U2AF1L4: variants seen among roughly 807,000 people sequenced by gnomAD.
U2AF1L4 encodes the protein U2 small nuclear RNA auxiliary factor 1 like 4, also known as splicing factor U2AF 26 kDa subunit.
U2AF1L4 carries 21 observed loss-of-function variants against 21.7 expected under a neutral mutation model. That is an observed-to-expected ratio of 0.97 (90% CI 0.69 to 1.39). The LOEUF (loss-of-function observed/expected upper bound fraction) is 1.39. Among genes scored for constraint, U2AF1L4 ranks in the 40% most tolerant of loss-of-function variants. U2AF1L4 has a pLI of 0.00. For missense variants in U2AF1L4, 259 were observed against 245.7 expected (o/e 1.05, Z -0.36); for synonymous variants, 92 against 89.7 (o/e 1.03, Z -0.15).
Position 35,744,062 on chromosome 19 carries a change from C to T in U2AF1L4, c.315G>A (p.Leu105=). ...WFNGQAVHGE[L]SPVTDFRESC... is the part of the protein sequence containing the mutation. Reference sequence around the variant, plus strand: ...ACTCCCGGAAGTCAGTGACAGGAGACAGCTCACCGTGCACAGCCTGCCCGT... The same window carrying T: ...ACTCCCGGAAGTCAGTGACAGGAGATAGCTCACCGTGCACAGCCTGCCCGT... Residue 105 remains leucine (L), a synonymous_variant, in exon 4 of 6, where the codon CTG becomes CTA. Transcript: ENST00000378975. 6.2e-7 allele frequency: 1 copy of T among 1,614,078 alleles called. No homozygotes were observed. Among genetic ancestry groups the T allele is most frequent in the South Asian group, 1.1e-5 (1 of 91,082 alleles).
At position 35,745,222 on chromosome 19, in the gene U2AF1L4, G is replaced by T; in HGVS notation, c.45-10C>A. The T allele has an allele frequency of 6.2e-7, 1 of 1,613,060 alleles. No individual in the cohort carries two copies. The highest frequency in any genetic ancestry group is 8.5e-7 in the Non-Finnish European group (1 of 1,179,628). ...AAAAGAGCAGTTAACCCTGGAAAAGGTGCAAAGACAAAGGTGAACCGAGGG... is the reference window on the plus strand; with the variant it reads ...AAAAGAGCAGTTAACCCTGGAAAAGTTGCAAAGACAAAGGTGAACCGAGGG... On this transcript the variant is annotated splice_polypyrimidine_tract_variant and intron_variant, in intron 1 of 5. Transcript: ENST00000378975.
chr19:35,744,331 AG>A lies in U2AF1L4; in HGVS notation c.222del (p.Tyr75MetfsTer148). 6.2e-6 allele frequency: 10 copies of A among 1,614,082 alleles called. No individual in the cohort carries two copies. Among genetic ancestry groups the A allele is most frequent in the Non-Finnish European group, 8.5e-6 (10 of 1,180,020 alleles). ...DNLGDHLVGNVYVKFRREEDG... is the reference protein window; with the variant it reads ...DNLGDHLVGNXYVKFRREEDG... ...TGGGGGGCAGCAAGCACCTTGACAT[AG>A]ACGTTGCCCACGAGGTGGTCCCCAA... On this transcript the variant is annotated frameshift_variant, in exon 3 of 6. Transcript: ENST00000378975. LOFTEE classifies it high-confidence loss of function.
At chr19:35,745,295 C>T in intron 1 of U2AF1L4, 53 bp downstream of exon 1, 2 of 1,598,940 alleles carry the variant, frequency 1.3e-6, no homozygotes. Flanking sequence ...ACCCAGGACC[C>T]CAGTACCCCG....
In U2AF1L4 at chr19:35,744,748, CAG is replaced by C. The variant is rs1476374903; in HGVS notation, c.133-329_133-328del. On this transcript the variant is annotated intron_variant, in intron 2 of 5. Coordinates refer to ENST00000378975, the MANE Select transcript of U2AF1L4 (RefSeq NM_001040425.3). ...AGCTCAGAGGGCAGGGCTGCATGAA[CAG>C]AGAGTGAGGCATGAAGGTTGGGGGT... 12 of 1,533,480 alleles carry C rather than the reference CAG, an allele frequency of 7.8e-6. No individual in the cohort carries two copies. The Admixed American group carries it at 1.2e-4, about 15-fold the overall frequency. The allele number at this position is 1,533,480 out of a possible 1,614,324, so 95.0% of individuals were successfully genotyped here. A position where few individuals can be genotyped will look rare whatever the true frequency, so the allele number is the denominator to read the frequency against.
chr19:35,744,846 G>A (rs2146514609), intron 2 of U2AF1L4: 1 of 896,184 alleles, frequency 1.1e-6, no homozygotes, highest in Non-Finnish European at 1.7e-6. Context: ...ACCAGAAAAG[G>A]GATGGAGGGG....
At position 35,744,120 on chromosome 19, in the gene U2AF1L4, C is replaced by G. The variant is rs142741890; in HGVS notation, c.257G>C (p.Arg86Pro). The G allele has an allele frequency of 3.1e-5, 50 of 1,613,824 alleles. No individual in the cohort carries two copies. The highest frequency in any genetic ancestry group is 3.6e-5 in the Non-Finnish European group (42 of 1,180,002). ...VKFRREEDGE[R>P]AVAELSNRWF... Reference sequence around the variant, plus strand: ...GCGGTTACTGAGTTCAGCCACGGCCCGCTCTCCATCCTCCTCCCTCCGGAA... The same window carrying G: ...GCGGTTACTGAGTTCAGCCACGGCCGGCTCTCCATCCTCCTCCCTCCGGAA... The change falls in exon 4 of 6, where the codon CGG (arginine) becomes CCG (proline). Residue 86 changes from arginine to proline, a missense_variant. By Grantham distance (103) the Arg-to-Pro change is moderately radical. Coordinates refer to ENST00000378975, the MANE Select transcript of U2AF1L4 (RefSeq NM_001040425.3).
In U2AF1L4 at chr19:35,744,069, C is replaced by A. The variant is rs1227946434; in HGVS notation, c.308G>T (p.Gly103Val). Residue 103 changes from glycine to valine, a missense_variant, in exon 4 of 6, where the codon GGT becomes GTT. Physicochemically the swap from Gly to Val is moderately radical, Grantham distance 109 (BLOSUM62 -3). Coordinates refer to ENST00000378975, the MANE Select transcript of U2AF1L4 (RefSeq NM_001040425.3). The stretch of plus-strand genomic sequence containing the variant: ...GAAGTCAGTGACAGGAGACAGCTCA[C>A]CGTGCACAGCCTGCCCGTTGAACCA... ...NRWFNGQAVH[G>V]ELSPVTDFRE... The A allele has an allele frequency of 5.0e-6, 8 of 1,613,932 alleles. No individual in the cohort carries two copies. The East Asian group carries it at 1.8e-4, about 36-fold the overall frequency.
At chr19:35,744,469 A>G in intron 2 of U2AF1L4, 48 bp from the exon 3 acceptor site, 4 of 1,613,592 alleles carry the variant, frequency 2.5e-6, no homozygotes, top group East Asian at 2.2e-5. Context: ...AAGAAACCCC[A>G]TCTGCCCCTA....
At chr19:35,744,526 C>T (rs576444052) in intron 2 of U2AF1L4, 105 bp from the exon 3 acceptor site, 2 of 1,602,022 alleles carry the variant, frequency 1.2e-6, no homozygotes, top group African/African-American at 1.3e-5. Context: ...TGCACCTCCA[C>T]GTCACTCACA....
rs1213728795 is a variant in U2AF1L4 at position 35,745,339 on chromosome 19, C to T, written c.44+9G>A. ...CCCCCGAGAGTCCACTCCCAGCGCC[C>T]GTTCTCACTTGTCCTTCTCAGTCCC... is the stretch of plus-strand genomic sequence containing the variant. On this transcript the variant is annotated intron_variant, in intron 1 of 5. Coordinates refer to ENST00000378975, the MANE Select transcript of U2AF1L4 (RefSeq NM_001040425.3). 1.9e-6 allele frequency: 3 copies of T among 1,612,188 alleles called. No individual in the cohort carries two copies. Among genetic ancestry groups the T allele is most frequent in the Non-Finnish European group, 2.5e-6 (3 of 1,178,262 alleles).
At chr19:35,743,575 C>G in intron 5 of U2AF1L4, 4 of 536,574 alleles carry the variant, frequency 7.5e-6, no homozygotes, top group Non-Finnish European at 1.3e-5. Flanking sequence ...GTAATCCCAG[C>G]TATTTGGGAG....
chr19:35,745,116 G>C lies in U2AF1L4; in HGVS notation c.132+9C>G. ...CCGTTAACCCCCGAGGCTCCGTGCCGGGTCTCACCTGGCTGAATGTCGGCT... is the reference window on the plus strand; with the variant it reads ...CCGTTAACCCCCGAGGCTCCGTGCCCGGTCTCACCTGGCTGAATGTCGGCT... On this transcript the variant is annotated intron_variant, in intron 2 of 5. Coordinates refer to ENST00000378975, the MANE Select transcript of U2AF1L4 (RefSeq NM_001040425.3). The C allele has an allele frequency of 6.2e-7, 1 of 1,612,230 alleles. No individual in the cohort carries two copies.
chr19:35,744,553 C>A (rs541320327), intron 2 of U2AF1L4, 132 bp from the exon 3 acceptor site: 1 of 1,057,082 alleles, frequency 9.5e-7, no homozygotes, highest in South Asian at 1.3e-5. Flanking sequence ...GGGGTGGGGG[C>A]GGGCAGGGTG....
At position 35,745,364 on chromosome 19, in the gene U2AF1L4, C is replaced by G; in HGVS notation, c.28G>C (p.Gly10Arg). MAEYLASIF[G>R]TEKDKVNCSF... ...CGTTCTCACTTGTCCTTCTCAGTCC[C>G]GAATATCGAAGCTAAATATTCAGCC... Residue 10 changes from glycine (G) to arginine (R), a missense_variant, in exon 1 of 6, where the codon GGG becomes CGG. Coordinates refer to ENST00000378975, the MANE Select transcript of U2AF1L4 (RefSeq NM_001040425.3). 6.2e-7 allele frequency: 1 copy of G among 1,613,926 alleles called. No homozygotes were observed. Among genetic ancestry groups the G allele is most frequent in the Non-Finnish European group, 8.5e-7 (1 of 1,179,854 alleles).
chr19:35,743,823 C>T lies in U2AF1L4; in HGVS notation c.447G>A (p.Arg149=). 6.2e-7 allele frequency: 1 copy of T among 1,611,684 alleles called. No homozygotes were observed. Among genetic ancestry groups the T allele is most frequent in the South Asian group, 1.1e-5 (1 of 90,610 alleles). The change falls in exon 5 of 6, where the codon CGG becomes CGA. Residue 149 remains arginine, a synonymous_variant. Coordinates refer to ENST00000378975, the MANE Select transcript of U2AF1L4 (RefSeq NM_001040425.3). ...TCCTGAGGTACCTGCGCCTGGGTCCCCGCCCATAGAGCTGCCTCTGGAGGT... is the reference window on the plus strand; with the variant it reads ...TCCTGAGGTACCTGCGCCTGGGTCCTCGCCCATAGAGCTGCCTCTGGAGGT... ...SQNLQRQLYG[R]GPRRRSPPRF...
chr19:35,743,966 A>G (rs1187973052), intron 4 of U2AF1L4, 46 bp downstream of exon 4: 1 of 1,609,222 alleles, frequency 6.2e-7, no homozygotes, highest in Non-Finnish European at 8.5e-7. Flanking sequence ...CCACGCATTC[A>G]AAGTCTGGGA....
In U2AF1L4 at chr19:35,745,405, C is replaced by T; in HGVS notation, c.-14G>A. On this transcript the variant is annotated 5_prime_UTR_variant, in exon 1 of 6. Coordinates refer to ENST00000378975, the MANE Select transcript of U2AF1L4 (RefSeq NM_001040425.3). ...ATATTCAGCCATTTTTACCCAAGCC[C>T]TCCAGGTCTGGCTGCTCTTACGTCA... 1.3e-5 allele frequency: 21 copies of T among 1,614,202 alleles called. No individual in the cohort carries two copies. The highest frequency in any genetic ancestry group is 1.8e-5 in the Non-Finnish European group (21 of 1,180,024).
At chr19:35,743,960 G>A (rs1240107208) in intron 4 of U2AF1L4, 52 bp downstream of exon 4, 14 of 1,608,362 alleles carry the variant, frequency 8.7e-6, no homozygotes, top group African/African-American at 5.3e-5. Context: ...CCCCTACCAC[G>A]CATTCAAAGT....
rs1568398797 is a variant in U2AF1L4 at position 35,745,165 on chromosome 19, TC to T, written c.91del (p.Asp31ThrfsTer30). On this transcript the variant is annotated frameshift_variant, in exon 2 of 6. Transcript: ENST00000378975. LOFTEE classifies it high-confidence loss of function. ...YFKIGVCRHG[D>X]RCSRLHNKPT... Reference sequence around the variant, plus strand: ...CTTGTTGTGAAGCCGGGAGCACCGGTCCCCGTGCCGGCAGACCCCGATCTTA... The same window carrying T: ...CTTGTTGTGAAGCCGGGAGCACCGGTCCCGTGCCGGCAGACCCCGATCTTA... 1.2e-6 allele frequency: 2 copies of T among 1,613,336 alleles called. No homozygotes were observed. Among genetic ancestry groups the T allele is most frequent in the Non-Finnish European group, 1.7e-6 (2 of 1,179,966 alleles).
Sources: gnomAD v4.1 joint callset for allele counts on GRCh38, gnomAD v4.1.1 for gene constraint, MANE v1.5 for transcripts, NCBI Gene and HGNC (gene_info 2026-07-23, HGNC 2026-07-21) for gene names.